SPATA13: variants seen among roughly 807,000 people sequenced by gnomAD.
SPATA13 encodes the protein spermatogenesis associated 13, also known as spermatogenesis-associated protein 13.
SPATA13 carries 50 observed loss-of-function variants against 104.0 expected under a neutral mutation model. The ratio of observed to expected loss-of-function variants is 0.48; its 90% CI spans 0.38 to 0.61. SPATA13 has a LOEUF of 0.61. Among genes scored for constraint, SPATA13 ranks in the 20% least tolerant of loss-of-function variants. The probability of loss-of-function intolerance (pLI) is 0.00; values close to 1 mark genes in which losing one functional copy is unlikely to be tolerated. For missense variants in SPATA13, 1,524 were observed against 1,690.6 expected (o/e 0.90, Z 1.73); for synonymous variants, 606 against 667.5 (o/e 0.91, Z 1.42).
In SPATA13 at chr13:24,190,311, A is replaced by C. The variant is rs9553211; in HGVS notation, c.-112+29379A>C. 2.9e-3 allele frequency among the ~76,000 whole-genome samples: 23 copies of C among 8,014 alleles called. 7 individuals are homozygous for C. The highest frequency in any genetic ancestry group is 3.2e-3 in the African/African-American group (23 of 7,208). The allele number at this position is 8,014 out of a possible 152,430, so 5.3% of individuals were successfully genotyped here. ...TATAATATTATATATTATTATATAT[A>C]ATATATAATATTATATATTATTATA... On this transcript the variant is annotated intron_variant, in intron 1 of 12. Coordinates refer to ENST00000382108, the MANE Select transcript of SPATA13 (RefSeq NM_001166271.3).
intron 3 of SPATA13, among the ~76,000 whole-genome samples, chr13:24,060,649 C>G (rs1317686535): frequency 6.6e-6 from 1 of 152,170 alleles, no homozygotes; most frequent in Non-Finnish European, 1.5e-5. Flanking sequence ...AACAGAAAAC[C>G]TACAGAATGG....
At chr13:23,996,248 T>A (rs545839782) in intron 2 of SPATA13, among the ~76,000 whole-genome samples, 1 of 152,284 alleles carries the variant, frequency 6.6e-6, no homozygotes, top group Non-Finnish European at 1.5e-5. Context: ...GTCCGCCGCC[T>A]TGCCTTTCCA....
At chr13:24,287,341 T>C (rs1876028509) in intron 7 of SPATA13, among the ~76,000 whole-genome samples, 1 of 152,174 alleles carries the variant, frequency 6.6e-6, no homozygotes, top group South Asian at 2.1e-4. Flanking sequence ...TTCTAAATTT[T>C]ATATAGAGAT....
rs753517994 is a variant in SPATA13 at position 24,251,903 on chromosome 13, C to T, written c.2164+41C>T. On this transcript the variant is annotated intron_variant, in intron 4 of 12. Coordinates refer to ENST00000382108, the MANE Select transcript of SPATA13 (RefSeq NM_001166271.3). ...CCTTTCCTTTCAGAGCTGCTATGGG[C>T]CCATCTGACCGTTTCCAGCTAACCT... The T allele has an allele frequency of 2.5e-6, 4 of 1,583,000 alleles. No individual in the cohort carries two copies. The Admixed American group carries it at 5.3e-5, about 21-fold the overall frequency.
chr13:24,134,035 C>T (rs1308736191), intron 3 of SPATA13, among the ~76,000 whole-genome samples: 1 of 152,094 alleles, frequency 6.6e-6, no homozygotes. Context: ...AGTGTGGTTG[C>T]TGGCGGGAGG....
At chr13:24,028,856 T>C (rs370507157) in intron 3 of SPATA13, among the ~76,000 whole-genome samples, 2 of 152,182 alleles carry the variant, frequency 1.3e-5, no homozygotes. Flanking sequence ...TTTGTGTTTT[T>C]TATGTTTCTG....
In SPATA13 at chr13:24,223,017, C is replaced by G. The variant is rs975703902; in HGVS notation, c.88C>G (p.Pro30Ala). Reference sequence around the variant, plus strand: ...CGGCCTCGGGCCAGGCCCCGCAGCCCCCTGTGCAGGCTCGGACCTGAAAGA... The same window carrying G: ...CGGCCTCGGGCCAGGCCCCGCAGCCGCCTGTGCAGGCTCGGACCTGAAAGA... ...PNGLGPGPAA[P>A]CAGSDLKDAK... Residue 30 changes from proline to alanine, a missense_variant, in exon 2 of 13, where the codon CCC becomes GCC. Pro to Ala is a conservative substitution (Grantham distance 27). Around this residue, in one of 2 missense-constraint regions of SPATA13, gnomAD observed 1,089 missense variants for 1,135.9 expected, o/e 0.96. Coordinates refer to ENST00000382108, the MANE Select transcript of SPATA13 (RefSeq NM_001166271.3). 2 of 1,551,590 alleles carry G rather than the reference C, an allele frequency of 1.3e-6. No individual in the cohort carries two copies. Among genetic ancestry groups the G allele is most frequent in the Admixed American group, 3.9e-5 (2 of 51,010 alleles).
intron 3 of SPATA13, among the ~76,000 whole-genome samples, chr13:24,149,734 G>C (rs1168232023): frequency 6.6e-6 from 1 of 152,212 alleles, no homozygotes; most frequent in Non-Finnish European, 1.5e-5. Flanking sequence ...AGGGAGAGCG[G>C]CTTGTACAAA....
intron 3 of SPATA13, among the ~76,000 whole-genome samples, chr13:24,076,603 G>T (rs996498402): frequency 1.3e-5 from 2 of 152,042 alleles, no homozygotes; most frequent in Non-Finnish European, 2.9e-5. Flanking sequence ...TGAGGGTCTT[G>T]TGGCTCTGGT....
At chr13:24,262,225 T>G (rs1874091187) in intron 4 of SPATA13, among the ~76,000 whole-genome samples, 1 of 152,166 alleles carries the variant, frequency 6.6e-6, no homozygotes, top group Non-Finnish European at 1.5e-5. Flanking sequence ...TTACTGAAAC[T>G]TATTTCTTTG....
chr13:24,159,881 G>A (rs1882395763), upstream of SPATA13, among the ~76,000 whole-genome samples: 1 of 152,162 alleles, frequency 6.6e-6, no homozygotes, highest in Admixed American at 6.5e-5. Context: ...CTGGTAGAAA[G>A]CATGCATTTA....
chr13:24,046,472 A>T (rs983700436), intron 3 of SPATA13, among the ~76,000 whole-genome samples: 2 of 141,096 alleles, frequency 1.4e-5, no homozygotes, highest in Non-Finnish European at 3.1e-5. Flanking sequence ...TATTGTAGGG[A>T]TGGAGTCTTG....
At position 23,984,246 on chromosome 13, in the gene SPATA13, T is replaced by G. The variant is rs558115469; in HGVS notation, c.-147+313T>G. ...AATCAATACTGTGTTTCAAGTCAGC[T>G]AAAGAAGAAGGTTCCAGAGTCTTCT... On this transcript the variant is annotated intron_variant, in intron 2 of 14. Transcript: ENST00000424834. Among the ~76,000 whole-genome samples, 206 of 152,360 alleles carry G rather than the reference T, an allele frequency of 1.4e-3. 1 individual carries two copies. The highest frequency in any genetic ancestry group is 4.8e-3 in the African/African-American group (201 of 41,594).
Position 24,122,577 on chromosome 13 carries a change from A to C in SPATA13, c.-111-100242A>C. On this transcript the variant is annotated intron_variant, in intron 3 of 14. Transcript: ENST00000424834. The stretch of plus-strand genomic sequence containing the variant: ...GCACTGCAGAGCGATGACCTCTAAC[A>C]ATTTTGTTGCATGACACTCTGCATC... 2.6e-6 allele frequency: 4 copies of C among 1,544,510 alleles called. No individual in the cohort carries two copies. The South Asian group carries it at 3.4e-5, about 13-fold the overall frequency.
chr13:24,215,320 A>C (rs1198185157), intron 1 of SPATA13, among the ~76,000 whole-genome samples: 1 of 152,200 alleles, frequency 6.6e-6, no homozygotes, highest in East Asian at 1.9e-4. Context: ...TTAGAAGCAG[A>C]AGGCATTTCA....
At chr13:24,273,968 G>A (rs1157150828) in intron 4 of SPATA13, among the ~76,000 whole-genome samples, 2 of 152,206 alleles carry the variant, frequency 1.3e-5, no homozygotes, top group East Asian at 3.8e-4. Context: ...GAGATTACAG[G>A]CATGAGCCAC....
At chr13:24,302,479 A>C in intron 12 of SPATA13, 119 bp from the exon 13 acceptor site, 1 of 455,424 alleles carries the variant, frequency 2.2e-6, no homozygotes, top group South Asian at 3.4e-5. Context: ...AAAAAAAAAA[A>C]AAAAAAAAAA....
intron 9 of SPATA13, among the ~76,000 whole-genome samples, chr13:24,291,674 T>C (rs1296264666): frequency 1.3e-5 from 2 of 152,238 alleles, no homozygotes; most frequent in African/African-American, 4.8e-5. Flanking sequence ...TTACTCACAC[T>C]TCTGTTGTTT....
At position 24,137,035 on chromosome 13, in the gene SPATA13, T is replaced by C. The variant is rs1249102391; in HGVS notation, c.-111-85784T>C. Among the ~76,000 whole-genome samples the C allele has an allele frequency of 4.1e-5, 2 of 48,990 alleles. 1 individual carries two copies. The highest frequency in any genetic ancestry group is 8.9e-5 in the Non-Finnish European group (2 of 22,582). 32.1% of individuals were successfully genotyped at this position (48,990 alleles called of 152,430 possible). A position where few individuals can be genotyped will look rare whatever the true frequency, so the allele number is the denominator to read the frequency against. On this transcript the variant is annotated intron_variant, in intron 3 of 14. Coordinates refer to the SPATA13 transcript ENST00000424834. ...TTAGTAGAGACGGGGTTTCACCGTTTTAGCCGGGATGGTCTCAATCTCCTG... is the reference window on the plus strand; with the variant it reads ...TTAGTAGAGACGGGGTTTCACCGTTCTAGCCGGGATGGTCTCAATCTCCTG...
Sources: allele counts gnomAD v4.1 joint callset (sites outside exome capture counted in the v4.1 genomes callset), GRCh38; gene constraint gnomAD v4.1.1; regional missense constraint gnomAD v4.1.1; transcripts MANE v1.5; gene names NCBI Gene and HGNC (gene_info 2026-07-23, HGNC 2026-07-21).